The following TDRP variants were observed in gnomAD, a reference collection of about 807,000 sequenced individuals.
TDRP encodes the protein testis development-related protein.
Under a neutral mutation model 10.5 loss-of-function variants are expected in TDRP, and 12 were observed. The ratio of observed to expected loss-of-function variants is 1.15; its 90% CI spans 0.73 to 1.86. TDRP has a LOEUF of 1.86. TDRP is among the 40% of genes most tolerant of loss of function. The pLI is 0.00. For synonymous variants in TDRP, 139 were observed against 95.4 expected (o/e 1.46, Z -2.67); for missense variants, 353 against 229.2 (o/e 1.54, Z -3.49).
At chr8:531,536 G>A (rs1404378412) in intron 1 of TDRP, among the ~76,000 whole-genome samples, 1 of 152,124 alleles carries the variant, frequency 6.6e-6, no homozygotes, top group East Asian at 1.9e-4. Flanking sequence ...CTGAAGAATT[G>A]GTTGGTGTCA....
At chr8:510,285 T>C (rs1001932982) in intron 1 of TDRP, among the ~76,000 whole-genome samples, 1 of 152,102 alleles carries the variant, frequency 6.6e-6, no homozygotes, top group Non-Finnish European at 1.5e-5. Context: ...TGCATGTTTG[T>C]CTTTCTGGTA....
chr8:529,923 C>T (rs1802143015), intron 1 of TDRP, among the ~76,000 whole-genome samples: 1 of 152,104 alleles, frequency 6.6e-6, no homozygotes, highest in South Asian at 2.1e-4. Context: ...CCATTTTCTT[C>T]CTCATATTTG....
At chr8:527,281 A>G (rs1246608470) in intron 1 of TDRP, among the ~76,000 whole-genome samples, 1 of 152,202 alleles carries the variant, frequency 6.6e-6, no homozygotes, top group South Asian at 2.1e-4. Flanking sequence ...CACAAAAATG[A>G]AAAGATATTT....
At chr8:521,398 G>GAT (rs1350806725) in intron 1 of TDRP, among the ~76,000 whole-genome samples, 1 of 151,644 alleles carries the variant, frequency 6.6e-6, no homozygotes. Context: ...GCCTGGGCAA[G>GAT]AGAGAGAGAT....
chr8:510,282 T>G (rs1801579218), intron 1 of TDRP, among the ~76,000 whole-genome samples: 1 of 152,146 alleles, frequency 6.6e-6, no homozygotes, highest in African/African-American at 2.4e-5. Context: ...AATTGCATGT[T>G]TGTCTTTCTG....
chr8:504,440 G>C (rs116365101), intron 1 of TDRP, among the ~76,000 whole-genome samples: 7,446 of 152,146 alleles, frequency 0.049, 190 homozygotes, highest in African/African-American at 0.069. Flanking sequence ...GAAGGGCCTA[G>C]AGCAGTCCAG....
At chr8:503,262 G>A (rs1380057628) in intron 1 of TDRP, among the ~76,000 whole-genome samples, 1 of 146,878 alleles carries the variant, frequency 6.8e-6, no homozygotes, top group Non-Finnish European at 1.5e-5. Context: ...GGAATCCAGA[G>A]CCACACTAGG....
At chr8:521,343 G>A (rs1407297174) in intron 1 of TDRP, among the ~76,000 whole-genome samples, 2 of 151,992 alleles carry the variant, frequency 1.3e-5, no homozygotes, top group African/African-American at 2.4e-5. Context: ...CGTGAACCCG[G>A]GAGGCGGGGC....
At chr8:531,541 G>C (rs968049450) in intron 1 of TDRP, among the ~76,000 whole-genome samples, 1 of 152,138 alleles carries the variant, frequency 6.6e-6, no homozygotes, top group Non-Finnish European at 1.5e-5. Context: ...GAATTGGTTG[G>C]TGTCAGAAGA....
chr8:500,195 A>T (rs974302187), intron 1 of TDRP, among the ~76,000 whole-genome samples: 23 of 152,208 alleles, frequency 1.5e-4, no homozygotes, highest in African/African-American at 5.3e-4. Flanking sequence ...TTTTAGCTAT[A>T]CCTTAGTTGT....
chr8:500,733 C>T (rs571237314), intron 1 of TDRP, among the ~76,000 whole-genome samples: 3 of 152,310 alleles, frequency 2.0e-5, no homozygotes, highest in East Asian at 1.9e-4. Flanking sequence ...TATCGGACTC[C>T]GGCCCTGGGA....
chr8:493,922 A>C (rs1801053493), intron 2 of TDRP, among the ~76,000 whole-genome samples: 1 of 151,666 alleles, frequency 6.6e-6, no homozygotes, highest in African/African-American at 2.4e-5. Flanking sequence ...ATGCCAACAG[A>C]GACCCTCAGG....
At chr8:537,961 A>G (rs951508924) in intron 1 of TDRP, among the ~76,000 whole-genome samples, 15 of 152,208 alleles carry the variant, frequency 9.9e-5, no homozygotes, top group Non-Finnish European at 2.2e-4. Flanking sequence ...TAATAAAATT[A>G]TTTTATTTCT....
intron 1 of TDRP, 53 bp from the exon 2 acceptor site, chr8:494,650 T>C (rs1260060182): frequency 1.3e-6 from 2 of 1,509,192 alleles, no homozygotes; most frequent in Non-Finnish European, 1.8e-6. Context: ...TCAACAGAAT[T>C]CCGCTTTCTA....
At chr8:534,863 T>C (rs1288840499) in intron 1 of TDRP, among the ~76,000 whole-genome samples, 2 of 152,114 alleles carry the variant, frequency 1.3e-5, no homozygotes, top group Non-Finnish European at 2.9e-5. Context: ...GAAGCTGCAA[T>C]AGCTGTAAAG....
intron 1 of TDRP, among the ~76,000 whole-genome samples, chr8:501,799 G>A (rs1801309647): frequency 6.6e-6 from 1 of 152,216 alleles, no homozygotes; most frequent in Non-Finnish European, 1.5e-5. Flanking sequence ...AGTACAGACG[G>A]TTTGCCGTTA....
chr8:515,321 G>C (rs192080572), intron 1 of TDRP, among the ~76,000 whole-genome samples: 1 of 152,284 alleles, frequency 6.6e-6, no homozygotes, highest in South Asian at 2.1e-4. Flanking sequence ...TTAAAACTAT[G>C]AGTATATACA....
At chr8:500,388 C>A (rs970519087) in intron 1 of TDRP, among the ~76,000 whole-genome samples, 1 of 152,168 alleles carries the variant, frequency 6.6e-6, no homozygotes, top group African/African-American at 2.4e-5. Flanking sequence ...CATCGGCAGG[C>A]CCCACCAGTG....
At chr8:536,761 A>C (rs1230941046) in intron 1 of TDRP, among the ~76,000 whole-genome samples, 2 of 152,196 alleles carry the variant, frequency 1.3e-5, no homozygotes, top group Non-Finnish European at 2.9e-5. Flanking sequence ...GGAGGAAAGC[A>C]CCACTCTGTT....
Sources: gnomAD v4.1 joint callset for allele counts (sites outside exome capture counted in the v4.1 genomes callset) on GRCh38, gnomAD v4.1.1 for gene constraint, MANE v1.5 for transcripts, NCBI Gene and HGNC (gene_info 2026-07-23, HGNC 2026-07-21) for gene names.